The following ANO2 variants were observed in gnomAD, a reference collection of about 807,000 sequenced individuals.
ANO2 encodes anoctamin 2.
ANO2 carries 101 observed loss-of-function variants against 124.2 expected under a neutral mutation model. That is an observed-to-expected ratio of 0.81 (90% CI 0.69 to 0.96). The LOEUF is 0.96. Among genes scored for constraint, ANO2 ranks in the 40% least tolerant of loss-of-function variants. The pLI is 0.00. For missense variants in ANO2, 1,293 were observed against 1,274.5 expected, an observed-to-expected ratio of 1.01 and a Z score of -0.22; for synonymous variants, 486 against 482.5, an observed-to-expected ratio of 1.01 and a Z score of -0.09.
At chr12:5,567,352 A>AT (rs1941829298) in intron 23 of ANO2, among the ~76,000 whole-genome samples, 1 of 152,216 alleles carries the variant, frequency 6.6e-6, no homozygotes, top group African/African-American at 2.4e-5. Flanking sequence ...GGCTAAATGA[A>AT]TAAGAACATC....
intron 14 of ANO2, among the ~76,000 whole-genome samples, chr12:5,721,806 C>T (rs1950247069): frequency 6.6e-6 from 1 of 152,350 alleles, no homozygotes; most frequent in Non-Finnish European, 1.5e-5. Context: ...CTGCGCCCAA[C>T]TTAGGAAGTT....
intron 10 of ANO2, among the ~76,000 whole-genome samples, chr12:5,788,459 TTCA>T (rs1485219539): frequency 1.3e-5 from 2 of 152,224 alleles, no homozygotes; most frequent in Non-Finnish European, 2.9e-5. Context: ...ATCTATCTCG[TTCA>T]TCACTTTAAC....
intron 10 of ANO2, among the ~76,000 whole-genome samples, chr12:5,792,644 T>A (rs1952731208): frequency 6.6e-6 from 1 of 152,234 alleles, no homozygotes; most frequent in Non-Finnish European, 1.5e-5. Context: ...GCATAGCTGA[T>A]ACCTCTGAGC....
intron 14 of ANO2, among the ~76,000 whole-genome samples, chr12:5,673,342 G>T (rs1948096765): frequency 6.6e-6 from 1 of 152,168 alleles, no homozygotes; most frequent in African/African-American, 2.4e-5. Context: ...CTTCCCGCTT[G>T]TCTCCTGGGT....
chr12:5,571,754 C>T (rs1942136876), intron 23 of ANO2, among the ~76,000 whole-genome samples: 1 of 152,058 alleles, frequency 6.6e-6, no homozygotes, highest in African/African-American at 2.4e-5. Context: ...GGAATTATCT[C>T]AAGGATCTCA....
At chr12:5,814,980 A>G (rs1953557292) in intron 7 of ANO2, among the ~76,000 whole-genome samples, 1 of 152,214 alleles carries the variant, frequency 6.6e-6, no homozygotes, top group Non-Finnish European at 1.5e-5. Flanking sequence ...TGAGATAATG[A>G]GCGTTAAGGT....
intron 7 of ANO2, among the ~76,000 whole-genome samples, chr12:5,824,910 C>A (rs557780480): frequency 6.0e-4 from 92 of 152,206 alleles, no homozygotes; most frequent in African/African-American, 2.2e-3. Flanking sequence ...CCCTGATAAA[C>A]CCATCAGATC....
At chr12:5,782,808 A>C (rs1437821238) in intron 10 of ANO2, among the ~76,000 whole-genome samples, 1 of 152,218 alleles carries the variant, frequency 6.6e-6, no homozygotes, top group Non-Finnish European at 1.5e-5. Context: ...TGGGAGTTGA[A>C]GAGAGCTAGA....
At chr12:5,876,304 G>A (rs1001184778) in intron 3 of ANO2, among the ~76,000 whole-genome samples, 1 of 152,280 alleles carries the variant, frequency 6.6e-6, no homozygotes, top group African/African-American at 2.4e-5. Context: ...TTAAAATAGT[G>A]CTCTTAGAAC....
chr12:5,743,683 C>G (rs1046029906), intron 12 of ANO2, among the ~76,000 whole-genome samples: 2 of 152,194 alleles, frequency 1.3e-5, no homozygotes, highest in Non-Finnish European at 2.9e-5. Context: ...ACAGTACAGT[C>G]TACACTCATG....
At chr12:5,803,834 C>A (rs1953115475) in intron 9 of ANO2, among the ~76,000 whole-genome samples, 1 of 152,186 alleles carries the variant, frequency 6.6e-6, no homozygotes, top group Non-Finnish European at 1.5e-5. Context: ...CACAATAGCA[C>A]CAGGTGAGCT....
At chr12:5,706,345 T>TC (rs1949609354) in intron 14 of ANO2, among the ~76,000 whole-genome samples, 1 of 151,952 alleles carries the variant, frequency 6.6e-6, no homozygotes, top group African/African-American at 2.4e-5. Context: ...TCTCATCCCC[T>TC]CCCCACTCCC....
intron 14 of ANO2, among the ~76,000 whole-genome samples, chr12:5,688,809 CCTT>C (rs1948807174): frequency 7.9e-6 from 1 of 126,072 alleles, no homozygotes; most frequent in Non-Finnish European, 1.7e-5. Flanking sequence ...ATGGGAGTAT[CCTT>C]TTTTTTTTTT....
At chr12:5,773,863 T>C (rs954092905) in intron 10 of ANO2, among the ~76,000 whole-genome samples, 1 of 152,218 alleles carries the variant, frequency 6.6e-6, no homozygotes, top group Non-Finnish European at 1.5e-5. Context: ...TGTCATACAA[T>C]GGCCCTGGTT....
At chr12:5,704,323 T>C (rs10849327) in intron 14 of ANO2, among the ~76,000 whole-genome samples, 134,127 of 152,236 alleles carry the variant, frequency 0.88, 59,204 homozygotes, top group East Asian at 0.95. Flanking sequence ...GCAGCATCAC[T>C]AACCAGTCAT....
At position 5,662,859 on chromosome 12, in the gene ANO2, G is replaced by T. The variant is rs543486918; in HGVS notation, c.1546-15058C>A. ...TAAATGGGATAGGACCCCAAAAAAG[G>T]CAAGTTGGGTAGGACATGGGGAAGC... On this transcript the variant is annotated intron_variant, in intron 14 of 24. Coordinates refer to ENST00000682330, the MANE Select transcript of ANO2 (RefSeq NM_001364791.2). 1.1e-4 allele frequency among the ~76,000 whole-genome samples: 17 copies of T among 152,276 alleles called. No individual in the cohort carries two copies. In the South Asian group the frequency reaches 3.5e-3, roughly 32 times the overall value.
chr12:5,728,115 C>T (rs957261270), intron 14 of ANO2, among the ~76,000 whole-genome samples: 29 of 152,072 alleles, frequency 1.9e-4, no homozygotes, highest in Admixed American at 1.6e-3. Context: ...CTCACCACTT[C>T]TATTCAGCAT....
At chr12:5,661,451 A>G (rs1199176372) in intron 14 of ANO2, among the ~76,000 whole-genome samples, 2 of 152,198 alleles carry the variant, frequency 1.3e-5, no homozygotes, top group Middle Eastern at 3.2e-3. Flanking sequence ...TCCTGTCTGT[A>G]TCAACTCCCT....
At chr12:5,740,134 C>G in intron 12 of ANO2, 1 of 375,274 alleles carries the variant, frequency 2.7e-6, no homozygotes, top group Non-Finnish European at 5.3e-6. Context: ...CGAGCACAAC[C>G]CTACAGCCAT....
Sources: allele counts gnomAD v4.1 joint callset (sites outside exome capture counted in the v4.1 genomes callset), GRCh38; gene constraint gnomAD v4.1.1; transcripts MANE v1.5; gene names NCBI Gene and HGNC (gene_info 2026-07-23, HGNC 2026-07-21).